ABCC3: variants seen among roughly 807,000 people sequenced by gnomAD.
The protein encoded by ABCC3 is ATP-binding cassette sub-family C member 3.
ABCC3 carries 121 observed loss-of-function variants against 165.3 expected under a neutral mutation model. The ratio of observed to expected loss-of-function variants is 0.73; its 90% CI spans 0.63 to 0.85. The LOEUF is 0.85. Ranked by LOEUF, ABCC3 falls within the 40% of genes least tolerant of loss-of-function variation. The probability of loss-of-function intolerance (pLI) is 0.00; values close to 1 mark genes in which losing one functional copy is unlikely to be tolerated. For missense variants in ABCC3, 1,869 were observed against 1,964.1 expected (o/e 0.95, Z 0.92); for synonymous variants, 733 against 810.1 (o/e 0.90, Z 1.62).
At chr17:50,669,794 T>A (rs1967607534) in intron 17 of ABCC3, among the ~76,000 whole-genome samples, 1 of 3,624 alleles carries the variant, frequency 2.8e-4, no homozygotes, top group Non-Finnish European at 6.8e-4. Flanking sequence ...GAGCATCACT[T>A]TTTTTTTTTC....
At chr17:50,668,702 C>A in intron 14 of ABCC3, 151 bp from the exon 15 acceptor site, 2 of 788,654 alleles carry the variant, frequency 2.5e-6, no homozygotes, top group Admixed American at 2.2e-5. Flanking sequence ...CAGGGCTCCC[C>A]ACATCCCTTT....
rs774409596 is a variant in ABCC3, at chr17:50,659,368, G to A, written c.806G>A (p.Arg269Gln). 3.8e-5 allele frequency: 61 copies of A among 1,606,582 alleles called. No homozygotes were observed. The highest frequency in any genetic ancestry group is 4.5e-5 in the Non-Finnish European group (53 of 1,174,486). ...AWRKQEKQTA[R>Q]HKASAAPGKN... ...AGGAAGCAGGAAAAGCAGACGGCAC[G>A]GTGAGGCCCTCCCCTTGCCCCAACA... Residue 269 changes from arginine (R) to glutamine (Q), a missense_variant and splice_region_variant, in exon 7 of 31, where the codon CGA becomes CAA. Transcript: ENST00000285238.
At chr17:50,642,800 C>T (rs1454232043) in intron 1 of ABCC3, among the ~76,000 whole-genome samples, 1 of 152,222 alleles carries the variant, frequency 6.6e-6, no homozygotes, top group African/African-American at 2.4e-5. Context: ...CAGCGATTCC[C>T]ACCATGTCCC....
intron 29 of ABCC3, among the ~76,000 whole-genome samples, chr17:50,686,282 T>G (rs1481718267): frequency 2.0e-5 from 3 of 152,226 alleles, no homozygotes; most frequent in Admixed American, 1.3e-4. Flanking sequence ...ACCATGGTCC[T>G]GTGGGCCAGA....
chr17:50,648,818 G>C (rs568800839), intron 1 of ABCC3, among the ~76,000 whole-genome samples: 6 of 152,074 alleles, frequency 3.9e-5, no homozygotes, highest in African/African-American at 1.4e-4. Flanking sequence ...CAGCCAAGCC[G>C]CAAGAATCAC....
chr17:50,668,204 C>A (rs895696713), intron 13 of ABCC3, among the ~76,000 whole-genome samples, 195 bp downstream of exon 13: 1 of 152,080 alleles, frequency 6.6e-6, no homozygotes, highest in Non-Finnish European at 1.5e-5. Flanking sequence ...GTGGTCAGGT[C>A]GGGTGTCTGG....
intron 13 of ABCC3, 101 bp downstream of exon 13, chr17:50,668,110 G>T: frequency 9.5e-7 from 1 of 1,049,444 alleles, no homozygotes; most frequent in Admixed American, 2.0e-5. Context: ...GGAGTTATTG[G>T]ATTCAGGGAA....
intron 1 of ABCC3, among the ~76,000 whole-genome samples, chr17:50,641,059 G>C (rs1286876841): frequency 6.6e-6 from 1 of 152,192 alleles, no homozygotes; most frequent in Admixed American, 6.5e-5. Context: ...CCCAGGGCTT[G>C]GGAAGTCCCT....
At chr17:50,637,504 A>G (rs543358601) in intron 1 of ABCC3, among the ~76,000 whole-genome samples, 41 of 152,234 alleles carry the variant, frequency 2.7e-4, no homozygotes, top group Non-Finnish European at 5.4e-4. Context: ...TGGGTGACCC[A>G]CTTTGTGGGA....
chr17:50,681,837 G>A (rs1967934311), intron 26 of ABCC3, among the ~76,000 whole-genome samples: 1 of 151,854 alleles, frequency 6.6e-6, no homozygotes, highest in Non-Finnish European at 1.5e-5. Flanking sequence ...GGATTCCGTG[G>A]CCTGCATTGC....
chr17:50,675,677 G>A lies in ABCC3; in HGVS notation c.2761G>A (p.Val921Ile), dbSNP rs1003840355. 1.3e-6 allele frequency: 2 copies of A among 1,573,010 alleles called. No homozygotes were observed. Among genetic ancestry groups the A allele is most frequent in the South Asian group, 2.3e-5 (2 of 85,828 alleles). Residue 921 changes from valine to isoleucine, a missense_variant, in exon 21 of 31, where the codon GTA (valine) becomes ATA (isoleucine). By Grantham distance (29) the Val-to-Ile change is conservative (BLOSUM62 3). Transcript: ENST00000285238. ...AGATGGGGAGGGACAGGGTCGGCCT[G>A]TACCCCGGAGGCACCTGGGTCCATC... ...SSDGEGQGRP[V>I]PRRHLGPSEK... is the part of the protein sequence containing the mutation.
chr17:50,664,075 C>G lies in ABCC3; in HGVS notation c.1302C>G (p.Pro434=). 6.2e-7 allele frequency: 1 copy of G among 1,614,222 alleles called. No individual in the cohort carries two copies. Among genetic ancestry groups the G allele is most frequent in the Non-Finnish European group, 8.5e-7 (1 of 1,180,038 alleles). Residue 434 remains proline, a synonymous_variant, in exon 10 of 31, where the codon CCC becomes CCG. Transcript: ENST00000285238. ...APFLNLLWSA[P]LQIILAIYFL... ...TCCTCAATCTGCTGTGGTCAGCACC[C>G]CTGCAGATCATCCTGGCGATCTACT...
intron 26 of ABCC3, among the ~76,000 whole-genome samples, chr17:50,681,032 C>G (rs1468504589): frequency 6.6e-6 from 1 of 151,674 alleles, no homozygotes; most frequent in Non-Finnish European, 1.5e-5. Context: ...GCCGAGATTG[C>G]GCCACTGCAC....
intron 17 of ABCC3, among the ~76,000 whole-genome samples, chr17:50,671,702 C>CTTTT (rs386386244): frequency 0.01 from 591 of 56,380 alleles, 111 homozygotes; most frequent in Non-Finnish European, 0.013. Context: ...TCCTTCCTTC[C>CTTTT]TTTTTTTTTT....
In ABCC3 at chr17:50,691,162, A is replaced by G. The variant is rs1419264277; in HGVS notation, c.4546A>G (p.Ile1516Val). 1 of 1,614,050 alleles carries G rather than the reference A, an allele frequency of 6.2e-7. No homozygotes were observed. Among genetic ancestry groups the G allele is most frequent in the African/African-American group, 1.3e-5 (1 of 74,944 alleles). Residue 1516 changes from isoleucine to valine, a missense_variant, in exon 31 of 31, where the codon ATC becomes GTC. By Grantham distance (29) the Ile-to-Val change is conservative (BLOSUM62 3). Transcript: ENST00000285238. ...AGCCAACCTCATTGCAGCTAGAGGCATCTTCTACGGGATGGCCAGAGATGC... is the reference window on the plus strand; with the variant it reads ...AGCCAACCTCATTGCAGCTAGAGGCGTCTTCTACGGGATGGCCAGAGATGC... ...SPANLIAARG[I>V]FYGMARDAGL...
rs182734775 is a variant in ABCC3, at chr17:50,639,984, A to C, written c.45+5003A>C. On this transcript the variant is annotated intron_variant, in intron 1 of 30. Transcript: ENST00000285238. ...TCACCATGATGGCCAGGCTGGTCTC[A>C]AATTCCTGACCTCAAGTCATCTGCC... 6.6e-3 allele frequency among the ~76,000 whole-genome samples: 1,010 copies of C among 152,168 alleles called. 6 individuals are homozygous for C. The highest frequency in any genetic ancestry group is 0.023 in the African/African-American group (959 of 41,498).
rs753336632 is a variant in ABCC3, at chr17:50,683,727, C to T, written c.3925C>T (p.Leu1309=). 16 of 1,607,360 alleles carry T rather than the reference C, an allele frequency of 1.0e-5. No individual in the cohort carries two copies. In the Admixed American group the frequency reaches 2.1e-4, roughly 21 times the overall value. Residue 1309 remains leucine (L), a synonymous_variant, in exon 27 of 31, where the codon CTG becomes TTG. Transcript: ENST00000285238. ...GGGCCTAGACCTGGTGCTGAGAGAC[C>T]TGAGTCTGCATGTGCACGGTGGCGA... ...RPGLDLVLRD[L]SLHVHGGEKV... is the part of the protein sequence containing the mutation.
At chr17:50,643,590 A>G (rs1426973701) in intron 1 of ABCC3, 2 of 456,224 alleles carry the variant, frequency 4.4e-6, no homozygotes, top group Non-Finnish European at 4.4e-6. Context: ...CTCACCAAAC[A>G]TTGTCAAGGC....
At chr17:50,656,608 T>G (rs1346911891) in intron 2 of ABCC3, 94 bp from the exon 3 acceptor site, 1 of 1,502,458 alleles carries the variant, frequency 6.7e-7, no homozygotes, top group African/African-American at 1.4e-5. Flanking sequence ...GCAGGTCTAG[T>G]GGATTCTGGT....
Sources: allele counts gnomAD v4.1 joint callset (sites outside exome capture counted in the v4.1 genomes callset), GRCh38; gene constraint gnomAD v4.1.1; transcripts MANE v1.5; gene names NCBI Gene and HGNC (gene_info 2026-07-23, HGNC 2026-07-21).